The following CCDC7 variants were observed in gnomAD, a reference collection of about 807,000 sequenced individuals.
CCDC7 encodes the protein coiled-coil domain containing 7, also known as coiled-coil domain-containing protein 7.
A neutral mutation model predicts 196.9 loss-of-function variants in CCDC7; 183 were observed. That is an observed-to-expected ratio of 0.93 (90% CI 0.82 to 1.05). The LOEUF is 1.05. Ranked by LOEUF, CCDC7 falls within the 50% of genes least tolerant of loss-of-function variation. CCDC7 has a pLI of 0.00. For synonymous variants in CCDC7, 525 were observed against 484.6 expected, an observed-to-expected ratio of 1.08 and a Z score of -1.10; for missense variants, 1,540 against 1,482.2, an observed-to-expected ratio of 1.04 and a Z score of -0.64.
exon 7 of CCDC7, chr10:32,472,489 A>G: frequency 6.3e-7 from 1 of 1,584,374 alleles, no homozygotes; most frequent in Non-Finnish European, 8.6e-7. Context: ...AGGGATAAAG[A>G]AAATCGACCA....
In CCDC7 at chr10:32,834,804, T is replaced by C. The variant is rs201876915; in HGVS notation, c.3269-11T>C. The C allele has an allele frequency of 2.8e-4, 365 of 1,312,952 alleles. 1 individual carries two copies. The Middle Eastern group carries it at 8.1e-3, about 29-fold the overall frequency. The allele number at this position is 1,312,952 out of a possible 1,614,324, so 81.3% of individuals were successfully genotyped here. On this transcript the variant is annotated splice_polypyrimidine_tract_variant and intron_variant, in intron 32 of 41. Transcript: ENST00000639629. ...TTCAAAGCGTTTTGAAAACCTGTTTTATTTTTATAGAGACTGTCTTAAAAC... is the reference window on the plus strand; with the variant it reads ...TTCAAAGCGTTTTGAAAACCTGTTTCATTTTTATAGAGACTGTCTTAAAAC...
chr10:32,645,428 CTT>C (rs968638942), intron 20 of CCDC7, among the ~76,000 whole-genome samples: 3 of 142,538 alleles, frequency 2.1e-5, no homozygotes, highest in Non-Finnish European at 4.6e-5. Context: ...GTTTGTTAGT[CTT>C]TTGTTGAAAA....
intron 13 of CCDC7, among the ~76,000 whole-genome samples, chr10:32,563,595 A>G (rs1460503956): frequency 6.6e-6 from 1 of 152,244 alleles, no homozygotes; most frequent in African/African-American, 2.4e-5. Flanking sequence ...CTGGCCAGCC[A>G]TATGTAGAAA....
downstream of CCDC7, among the ~76,000 whole-genome samples, chr10:32,877,546 A>G (rs1022367671): frequency 1.3e-5 from 2 of 152,106 alleles, no homozygotes; most frequent in Non-Finnish European, 2.9e-5. Flanking sequence ...TATCTAAACT[A>G]GATCCAATCC....
chr10:32,849,141 C>T (rs1450104015), intron 39 of CCDC7, among the ~76,000 whole-genome samples: 4 of 150,482 alleles, frequency 2.7e-5, no homozygotes, highest in African/African-American at 7.3e-5. Flanking sequence ...TATACCCATC[C>T]GAAAGTTACT....
chr10:32,788,301 C>T (rs1221894376), intron 29 of CCDC7, among the ~76,000 whole-genome samples: 1 of 152,182 alleles, frequency 6.6e-6, no homozygotes, highest in African/African-American at 2.4e-5. Context: ...TTCAGACTGC[C>T]ACCAGCACTA....
intron 29 of CCDC7, among the ~76,000 whole-genome samples, chr10:32,792,657 T>C (rs1049913963): frequency 4.0e-5 from 6 of 151,868 alleles, no homozygotes; most frequent in African/African-American, 1.5e-4. Context: ...AAAAATTCGC[T>C]GTGTGTGGTG....
chr10:32,836,053 G>T (rs1268844576), intron 33 of CCDC7, among the ~76,000 whole-genome samples: 1 of 152,094 alleles, frequency 6.6e-6, no homozygotes, highest in South Asian at 2.1e-4. Flanking sequence ...TTATTCAGTT[G>T]TGTTCCACAA....
intron 20 of CCDC7, among the ~76,000 whole-genome samples, chr10:32,654,450 TC>T (rs989238107): frequency 6.6e-6 from 1 of 152,250 alleles, no homozygotes; most frequent in Non-Finnish European, 1.5e-5. Context: ...AGATTACTCT[TC>T]TTTCCCAGGG....
At chr10:32,568,618 A>G (rs1328516225) in intron 15 of CCDC7, among the ~76,000 whole-genome samples, 1 of 152,226 alleles carries the variant, frequency 6.6e-6, no homozygotes, top group Non-Finnish European at 1.5e-5. Context: ...CTAAAGAAAT[A>G]TAGGATTGTC....
chr10:32,711,287 A>T (rs1439721531), intron 24 of CCDC7, among the ~76,000 whole-genome samples: 1 of 152,096 alleles, frequency 6.6e-6, no homozygotes, highest in Non-Finnish European at 1.5e-5. Flanking sequence ...TTGCAATTAC[A>T]AATAATGCTG....
intron 15 of CCDC7, among the ~76,000 whole-genome samples, chr10:32,569,961 A>T (rs558946059): frequency 2.0e-5 from 3 of 151,948 alleles, no homozygotes; most frequent in East Asian, 3.9e-4. Context: ...TTTGTCCTAG[A>T]GTTTCTTTTT....
chr10:32,845,796 T>TAC lies in CCDC7; in HGVS notation c.3521-68_3521-67dup, dbSNP rs754385774. ...ACACACACACACACACACACACACA[T>TAC]ACACACACACACAGATACACACAGA... On this transcript the variant is annotated intron_variant, in intron 35 of 41. Transcript: ENST00000639629. 1,771 of 371,904 alleles carry TAC rather than the reference T, an allele frequency of 4.8e-3. 3 individuals carry two copies. The highest frequency in any genetic ancestry group is 7.3e-3 in the Non-Finnish European group (1,552 of 213,034). 23.0% of individuals were successfully genotyped at this position (371,904 alleles called of 1,614,324 possible).
chr10:32,635,306 T>C, intron 20 of CCDC7, 148 bp downstream of exon 21: 1 of 376,914 alleles, frequency 2.7e-6, no homozygotes, highest in East Asian at 3.8e-5. Context: ...ATTACTGAAT[T>C]AGATGTGTTA....
chr10:32,461,731 G>GTATATATA (rs61624157), intron 3 of CCDC7, among the ~76,000 whole-genome samples: 1 of 33,042 alleles, frequency 3.0e-5, no homozygotes, highest in African/African-American at 7.1e-5. Flanking sequence ...ATATATATAT[G>GTATATATA]TATATATATA....
intron 28 of CCDC7, among the ~76,000 whole-genome samples, chr10:32,746,189 C>G (rs889554156): frequency 6.6e-6 from 1 of 151,992 alleles, no homozygotes; most frequent in Admixed American, 6.6e-5. Context: ...GGATGTAGAC[C>G]CTGGGCTGAA....
intron 18 of CCDC7, among the ~76,000 whole-genome samples, chr10:32,629,459 T>C (rs142668823): frequency 1.3e-5 from 2 of 152,172 alleles, no homozygotes; most frequent in East Asian, 3.9e-4. Context: ...AGTCAGTTTA[T>C]TGGGTGAAGG....
At chr10:32,509,941 G>A (rs183229612) in intron 9 of CCDC7, among the ~76,000 whole-genome samples, 11 of 152,298 alleles carry the variant, frequency 7.2e-5, no homozygotes, top group Admixed American at 3.3e-4. Context: ...TGGTGGGAAT[G>A]TAAATTGGTA....
chr10:32,760,405 C>T (rs1360435730), intron 28 of CCDC7, among the ~76,000 whole-genome samples: 7 of 151,832 alleles, frequency 4.6e-5, no homozygotes, highest in African/African-American at 2.4e-5. Flanking sequence ...CCATGGAATA[C>T]TATGCAGCCA....
Sources: gnomAD v4.1 joint callset for allele counts (sites outside exome capture counted in the v4.1 genomes callset) on GRCh38, gnomAD v4.1.1 for gene constraint, MANE v1.5 for transcripts, NCBI Gene and HGNC (gene_info 2026-07-23, HGNC 2026-07-21) for gene names.